HERC3: variants seen among roughly 807,000 people sequenced by gnomAD.
HERC3 encodes probable E3 ubiquitin-protein ligase HERC3.
Under a neutral mutation model 129.9 loss-of-function variants are expected in HERC3, and 58 were observed. The observed-to-expected ratio is 0.45, with a 90% CI of 0.36 to 0.56. The LOEUF (loss-of-function observed/expected upper bound fraction) is 0.56, where lower values mean the gene tolerates loss of function less well. Among genes scored for constraint, HERC3 ranks in the 20% least tolerant of loss-of-function variants. The probability of loss-of-function intolerance (pLI) is 0.00; values close to 1 mark genes in which losing one functional copy is unlikely to be tolerated. For synonymous variants in HERC3, 430 were observed against 451.0 expected, an observed-to-expected ratio of 0.95 and a Z score of 0.59; for missense variants, 835 against 1,244.2, an observed-to-expected ratio of 0.67 and a Z score of 4.95.
At chr4:88,616,980 G>A (rs770616923) in intron 3 of HERC3, among the ~76,000 whole-genome samples, 9 of 152,010 alleles carry the variant, frequency 5.9e-5, no homozygotes, top group Non-Finnish European at 1.2e-4. Context: ...TATTCCCCAA[G>A]TGCTTTACCA....
chr4:88,680,026 C>A, intron 19 of HERC3, 67 bp from the exon 20 acceptor site: 1 of 1,381,026 alleles, frequency 7.2e-7, no homozygotes, highest in South Asian at 1.5e-5. Context: ...AGAAAATGGT[C>A]TGCTAAAAAG....
intron 25 of HERC3, among the ~76,000 whole-genome samples, chr4:88,706,207 A>G (rs191595051): frequency 6.6e-5 from 10 of 152,340 alleles, no homozygotes; most frequent in South Asian, 2.1e-4. Context: ...TTCAACTATG[A>G]GAGTGTTGTT....
chr4:88,529,378 G>T, the HERC3 span, among the ~76,000 whole-genome samples: 1 of 152,090 alleles, frequency 6.6e-6, no homozygotes, highest in Non-Finnish European at 1.5e-5. Context: ...GATCACTTGG[G>T]CCTAGGAGTT....
chr4:88,630,807 A>G (rs1726661335), intron 3 of HERC3, among the ~76,000 whole-genome samples: 1 of 152,168 alleles, frequency 6.6e-6, no homozygotes, highest in Non-Finnish European at 1.5e-5. Flanking sequence ...GTGGTTTTCT[A>G]ATTTTTATTC....
chr4:88,693,235 T>C, intron 23 of HERC3: 32 of 979,336 alleles, frequency 3.3e-5, no homozygotes, highest in Non-Finnish European at 3.9e-5. Context: ...CTATATCAAG[T>C]ATCTTTTGTG....
chr4:88,667,797 G>C, intron 13 of HERC3, 95 bp from the exon 14 acceptor site: 1 of 898,264 alleles, frequency 1.1e-6, no homozygotes, highest in Non-Finnish European at 1.8e-6. Flanking sequence ...GAATGAATGA[G>C]AGTTGAGAGT....
the HERC3 span, among the ~76,000 whole-genome samples, chr4:88,561,354 CTTTA>C: frequency 1.3e-5 from 2 of 151,910 alleles, no homozygotes; most frequent in Non-Finnish European, 2.9e-5. Context: ...CTATTTGTCA[CTTTA>C]TTTAATTTAA....
chr4:88,696,972 C>G, intron 23 of HERC3: 1 of 431,656 alleles, frequency 2.3e-6, no homozygotes, highest in South Asian at 9.1e-5. Flanking sequence ...GGGTTTAATT[C>G]AGTTTTCTTT....
chr4:88,673,116 C>T (rs962021665), intron 16 of HERC3, among the ~76,000 whole-genome samples: 5 of 152,180 alleles, frequency 3.3e-5, no homozygotes, highest in Admixed American at 6.5e-5. Flanking sequence ...TGGTGGGCTC[C>T]TCTAGAGGGC....
chr4:88,552,089 A>T, the HERC3 span, among the ~76,000 whole-genome samples: 26,473 of 147,980 alleles, frequency 0.18, 5,538 homozygotes, highest in African/African-American at 0.51. Context: ...AACAATGAGA[A>T]CACATGGACA....
At chr4:88,623,828 T>G (rs1214906059) in intron 3 of HERC3, among the ~76,000 whole-genome samples, 1 of 152,144 alleles carries the variant, frequency 6.6e-6, no homozygotes, top group East Asian at 1.9e-4. Flanking sequence ...GCAGTAGGAG[T>G]CACCAATTTT....
At chr4:88,648,461 G>C (rs1436253223) in intron 3 of HERC3, among the ~76,000 whole-genome samples, 1 of 152,138 alleles carries the variant, frequency 6.6e-6, no homozygotes, top group Non-Finnish European at 1.5e-5. Flanking sequence ...CACAGCTGGT[G>C]TATGGAATTC....
chr4:88,592,627 G>C (rs1721811403), intron 1 of HERC3, 53 bp downstream of exon 1: 1 of 152,244 alleles, frequency 6.6e-6, no homozygotes, highest in Non-Finnish European at 1.5e-5. Context: ...CGGAGCTGCA[G>C]CCGCGCTGGG....
chr4:88,562,501 T>A, the HERC3 span, among the ~76,000 whole-genome samples: 1 of 152,228 alleles, frequency 6.6e-6, no homozygotes, highest in Non-Finnish European at 1.5e-5. Flanking sequence ...CATTTTTAAC[T>A]TGATGTGATC....
In HERC3 at chr4:88,617,175, CAAAAAAAAA is replaced by C. The variant is rs1162260456; in HGVS notation, c.226+11144_226+11152del. ...GTGCAATATAGTAAGACCCTGTCTC[CAAAAAAAAA>C]AAAAAAAAAAAAAAAAAGAAATTGA... On this transcript the variant is annotated intron_variant, in intron 3 of 25. Coordinates refer to ENST00000402738, the MANE Select transcript of HERC3 (RefSeq NM_014606.3). Among the ~76,000 whole-genome samples the C allele has an allele frequency of 2.8e-4, 9 of 31,892 alleles. No individual in the cohort carries two copies. The Admixed American group carries it at 3.0e-3, about 11-fold the overall frequency. 20.9% of individuals were successfully genotyped at this position (31,892 alleles called of 152,430 possible). A position where few individuals can be genotyped will look rare whatever the true frequency, so the allele number is the denominator to read the frequency against.
chr4:88,658,031 C>T (rs914792267), intron 9 of HERC3, among the ~76,000 whole-genome samples: 1 of 152,134 alleles, frequency 6.6e-6, no homozygotes, highest in African/African-American at 2.4e-5. Context: ...GAGGTCCTTC[C>T]GTGGCAAGAT....
At chr4:88,645,111 A>C (rs1361873465) in intron 3 of HERC3, among the ~76,000 whole-genome samples, 2 of 152,090 alleles carry the variant, frequency 1.3e-5, no homozygotes, top group African/African-American at 4.8e-5. Flanking sequence ...CCAGACTTTC[A>C]ATAAAAGTCT....
chr4:88,644,473 A>G (rs1728480861), intron 3 of HERC3, among the ~76,000 whole-genome samples: 1 of 152,212 alleles, frequency 6.6e-6, no homozygotes, highest in Admixed American at 6.5e-5. Context: ...ATTGAATCTC[A>G]GAGGCATTAT....
rs74315750 is a variant in HERC3 at position 88,701,638 on chromosome 4, C to T, written c.2658-2460C>T. ...AATAAAAGAAAAAAATTACTGATAC[C>T]GCTGTACATACCCTTAATTCCAAAT... On this transcript the variant is annotated intron_variant, in intron 23 of 25. Transcript: ENST00000402738. Among the ~76,000 whole-genome samples the T allele has an allele frequency of 8.2e-3, 1,252 of 152,040 alleles. 9 individuals are homozygous for T. The highest frequency in any genetic ancestry group is 0.024 in the African/African-American group (1,008 of 41,440).
Sources: gnomAD v4.1 joint callset for allele counts (sites outside exome capture counted in the v4.1 genomes callset) on GRCh38, gnomAD v4.1.1 for gene constraint, MANE v1.5 for transcripts, NCBI Gene and HGNC (gene_info 2026-07-23, HGNC 2026-07-21) for gene names.